THSD4: variants seen among roughly 807,000 people sequenced by gnomAD.
THSD4 encodes the protein thrombospondin type 1 domain containing 4.
THSD4 carries 69 observed loss-of-function variants against 119.0 expected under a neutral mutation model. The ratio of observed to expected loss-of-function variants is 0.58; its 90% CI spans 0.48 to 0.71. THSD4 has a LOEUF of 0.71. Among genes scored for constraint, THSD4 ranks in the 30% least tolerant of loss-of-function variants. The pLI is 0.00. For synonymous variants in THSD4, 524 were observed against 540.4 expected (o/e 0.97, Z 0.42); for missense variants, 1,393 against 1,391.1 (o/e 1.00, Z -0.02).
At chr15:71,168,067 C>G (rs933178270) in intron 3 of THSD4, among the ~76,000 whole-genome samples, 11 of 152,210 alleles carry the variant, frequency 7.2e-5, no homozygotes, top group African/African-American at 2.7e-4. Flanking sequence ...TGAACAGTAT[C>G]ACAAAGAACT....
At chr15:71,504,542 T>G (rs572796007) in intron 7 of THSD4, among the ~76,000 whole-genome samples, 1 of 152,218 alleles carries the variant, frequency 6.6e-6, no homozygotes. Flanking sequence ...ATGGAGCCAG[T>G]GGTTAAAGCC....
At chr15:71,386,018 G>C (rs2046289672) in intron 6 of THSD4, among the ~76,000 whole-genome samples, 1 of 152,192 alleles carries the variant, frequency 6.6e-6, no homozygotes, top group African/African-American at 2.4e-5. Context: ...GTAGCTAGCG[G>C]ACCAACAGAA....
intron 7 of THSD4, among the ~76,000 whole-genome samples, chr15:71,515,380 G>C (rs1162402486): frequency 6.6e-6 from 1 of 152,194 alleles, no homozygotes; most frequent in Non-Finnish European, 1.5e-5. Flanking sequence ...ATTGATGTTT[G>C]AGTGTAGTAG....
In THSD4 at chr15:71,639,574, G is replaced by T. The variant is rs76262685; in HGVS notation, c.1153-20956G>T. 4.1e-3 allele frequency among the ~76,000 whole-genome samples: 628 copies of T among 152,248 alleles called. 4 individuals carry two copies. Among genetic ancestry groups the T allele is most frequent in the African/African-American group, 0.015 (606 of 41,558 alleles). ...ACTGAATATGTGCCAGTTCTGAAAG[G>T]AATGCAAAGTCAAATTTTGCATCTT... On this transcript the variant is annotated intron_variant, in intron 7 of 17. Coordinates refer to ENST00000261862, the MANE Select transcript of THSD4 (RefSeq NM_024817.3).
chr15:71,448,019 AC>A (rs2047211096), intron 7 of THSD4, among the ~76,000 whole-genome samples: 1 of 152,136 alleles, frequency 6.6e-6, no homozygotes, highest in African/African-American at 2.4e-5. Flanking sequence ...TGCTTACTTG[AC>A]TTCTGGTTAT....
intron 3 of THSD4, among the ~76,000 whole-genome samples, chr15:71,200,656 T>C (rs1421372681): frequency 6.6e-6 from 1 of 152,130 alleles, no homozygotes; most frequent in Non-Finnish European, 1.5e-5. Flanking sequence ...AACCAAATAG[T>C]TTTTTTCTCT....
chr15:71,295,685 A>T (rs977551902), intron 6 of THSD4, among the ~76,000 whole-genome samples: 1 of 121,844 alleles, frequency 8.2e-6, no homozygotes, highest in South Asian at 2.6e-4. Flanking sequence ...CATTTTCTTT[A>T]AAAAAAAAAA....
chr15:71,755,479 A>T (rs996327070), intron 14 of THSD4, among the ~76,000 whole-genome samples: 1 of 152,122 alleles, frequency 6.6e-6, no homozygotes, highest in Non-Finnish European at 1.5e-5. Flanking sequence ...CATTGACTCT[A>T]TTTTTAAGAA....
chr15:71,348,629 A>G (rs1174784626), intron 6 of THSD4, among the ~76,000 whole-genome samples: 3 of 152,246 alleles, frequency 2.0e-5, no homozygotes, highest in African/African-American at 7.2e-5. Flanking sequence ...TCTCTGTTTT[A>G]TAGTCACACC....
At chr15:71,726,112 G>A (rs4777449) in intron 8 of THSD4, among the ~76,000 whole-genome samples, 136,129 of 152,276 alleles carry the variant, frequency 0.89, 62,589 homozygotes, top group Non-Finnish European at 1. Flanking sequence ...ATTCTTCATA[G>A]AGAATAGCCC....
In THSD4 at chr15:71,419,480, A is replaced by C. The variant is rs552571613; in HGVS notation, c.1152+7657A>C. On this transcript the variant is annotated intron_variant, in intron 7 of 17. Coordinates refer to ENST00000261862, the MANE Select transcript of THSD4 (RefSeq NM_024817.3). Reference sequence around the variant, plus strand: ...CCTCCCAAAGTGCTGGGATATAGGCATGAGCACCATGCCTGGTCTATTATT... The same window carrying C: ...CCTCCCAAAGTGCTGGGATATAGGCCTGAGCACCATGCCTGGTCTATTATT... Among the ~76,000 whole-genome samples, 4 of 108,708 alleles carry C rather than the reference A, an allele frequency of 3.7e-5. 1 individual carries two copies. The highest frequency in any genetic ancestry group is 1.2e-4 in the African/African-American group (4 of 32,028). 71.3% of individuals were successfully genotyped at this position (108,708 alleles called of 152,430 possible).
chr15:71,159,017 G>C (rs1186300131), intron 3 of THSD4, among the ~76,000 whole-genome samples: 1 of 152,086 alleles, frequency 6.6e-6, no homozygotes, highest in East Asian at 1.9e-4. Flanking sequence ...TAGTAGGTAG[G>C]GGTCTAGTCT....
chr15:71,377,107 C>G (rs1408202587), intron 6 of THSD4, among the ~76,000 whole-genome samples: 1 of 152,086 alleles, frequency 6.6e-6, no homozygotes, highest in African/African-American at 2.4e-5. Flanking sequence ...GGAGACACTC[C>G]CAGGAGGGAA....
chr15:71,775,418 C>T (rs1422574038), intron 17 of THSD4, among the ~76,000 whole-genome samples: 1 of 152,018 alleles, frequency 6.6e-6, no homozygotes, highest in African/African-American at 2.4e-5. Context: ...AATCTGACAA[C>T]CTGTGTCTAA....
chr15:71,718,443 G>A lies in THSD4; in HGVS notation c.1358-10106G>A, dbSNP rs73430266. Among the ~76,000 whole-genome samples the A allele has an allele frequency of 9.8e-3, 1,498 of 152,290 alleles. 30 individuals are homozygous for A. The highest frequency in any genetic ancestry group is 0.033 in the African/African-American group (1,356 of 41,570). On this transcript the variant is annotated intron_variant, in intron 8 of 17. Coordinates refer to ENST00000261862, the MANE Select transcript of THSD4 (RefSeq NM_024817.3). ...AGGGCTGGTTCTGTCCATGGGCTGG[G>A]AGAGGCATGGTAGGTACGTGAGAAC...
chr15:71,758,330 G>A (rs900712826), intron 15 of THSD4, among the ~76,000 whole-genome samples: 5 of 152,206 alleles, frequency 3.3e-5, no homozygotes, highest in African/African-American at 1.2e-4. Context: ...CTGCCCTCAG[G>A]GGGCTTATGG....
intron 7 of THSD4, among the ~76,000 whole-genome samples, chr15:71,582,256 A>G (rs2049573777): frequency 6.6e-6 from 1 of 152,078 alleles, no homozygotes. Context: ...TGTAAATGAG[A>G]TTGTTTTCTT....
At chr15:71,398,482 T>C (rs920825089) in intron 6 of THSD4, among the ~76,000 whole-genome samples, 1 of 152,002 alleles carries the variant, frequency 6.6e-6, no homozygotes, top group African/African-American at 2.4e-5. Flanking sequence ...CACAGGCTGA[T>C]GAAGGCCTGA....
At chr15:71,706,782 T>C (rs1372743019) in intron 8 of THSD4, among the ~76,000 whole-genome samples, 3 of 152,198 alleles carry the variant, frequency 2.0e-5, no homozygotes, top group African/African-American at 7.2e-5. Context: ...ACATCTCGCA[T>C]GACCTTTGCA....
Sources: allele counts gnomAD v4.1 joint callset (sites outside exome capture counted in the v4.1 genomes callset), GRCh38; gene constraint gnomAD v4.1.1; transcripts MANE v1.5; gene names NCBI Gene and HGNC (gene_info 2026-07-23, HGNC 2026-07-21).